ZCCHC2: variants seen among roughly 807,000 people sequenced by gnomAD.
The protein encoded by ZCCHC2 is zinc finger CCHC domain-containing protein 2.
A neutral mutation model predicts 103.6 loss-of-function variants in ZCCHC2; 39 were observed. That is an observed-to-expected ratio of 0.38 (90% CI 0.29 to 0.49). ZCCHC2 has a LOEUF of 0.49. Ranked by LOEUF, ZCCHC2 falls within the 20% of genes least tolerant of loss-of-function variation. The pLI is 0.96. For missense variants in ZCCHC2, 1,483 were observed against 1,491.0 expected (o/e 0.99, Z 0.09); for synonymous variants, 687 against 608.9 (o/e 1.13, Z -1.89).
intron 4 of ZCCHC2, among the ~76,000 whole-genome samples, chr18:62,545,473 A>G (rs1435505864): frequency 6.6e-6 from 1 of 152,104 alleles, no homozygotes. Context: ...TCTCCAAACT[A>G]CTGGGAATAA....
Position 62,523,678 on chromosome 18 carries a change from G to A in ZCCHC2, c.254G>A (p.Gly85Asp). 7.3e-7 allele frequency: 1 copy of A among 1,377,174 alleles called. No homozygotes were observed. Among genetic ancestry groups the A allele is most frequent in the Non-Finnish European group, 9.4e-7 (1 of 1,068,626 alleles). 85.3% of individuals were successfully genotyped at this position (1,377,174 alleles called of 1,614,324 possible). A position where few individuals can be genotyped will look rare whatever the true frequency, so the allele number is the denominator to read the frequency against. ...GCGGGGGCGGGTATGCCGGGCGGCGGCGGGGGGCCCTCGGCGGCGCTGCGC... is the reference window on the plus strand; with the variant it reads ...GCGGGGGCGGGTATGCCGGGCGGCGACGGGGGGCCCTCGGCGGCGCTGCGC... The part of the protein sequence containing the change: ...AAAGAGMPGG[G>D]GGPSAALREQ... Residue 85 changes from glycine to aspartate, a missense_variant, in exon 1 of 14, where the codon GGC becomes GAC. By Grantham distance (94) the Gly-to-Asp change is moderately conservative. This residue lies in a region of ZCCHC2 where 568 missense variants were observed against 525.1 expected (regional missense o/e 1.08). Transcript: ENST00000269499.
intron 3 of ZCCHC2, among the ~76,000 whole-genome samples, chr18:62,543,729 C>A (rs1291313849): frequency 6.6e-6 from 1 of 152,092 alleles, no homozygotes; most frequent in Non-Finnish European, 1.5e-5. Context: ...TGTACCATGC[C>A]CTATGCGTTT....
intron 8 of ZCCHC2, among the ~76,000 whole-genome samples, chr18:62,562,289 ACCGTGCCCAG>A (rs1356663157): frequency 1.3e-5 from 2 of 152,138 alleles, no homozygotes; most frequent in Non-Finnish European, 2.9e-5. Context: ...GGTGTGAGCC[ACCGTGCCCAG>A]CCGTCCCATG....
chr18:62,561,474 G>A (rs996104920), intron 8 of ZCCHC2, among the ~76,000 whole-genome samples: 1 of 152,184 alleles, frequency 6.6e-6, no homozygotes, highest in Non-Finnish European at 1.5e-5. Context: ...GACTTTCCAT[G>A]TTCCGCCTTA....
At chr18:62,528,828 G>A (rs1914554880) in intron 1 of ZCCHC2, among the ~76,000 whole-genome samples, 1 of 152,082 alleles carries the variant, frequency 6.6e-6, no homozygotes, top group Non-Finnish European at 1.5e-5. Context: ...GGAAAAGGTT[G>A]ATTGTCAGAA....
intron 11 of ZCCHC2, among the ~76,000 whole-genome samples, chr18:62,568,789 G>A (rs1026950737): frequency 1.3e-5 from 2 of 152,132 alleles, no homozygotes; most frequent in African/African-American, 2.4e-5. Flanking sequence ...TTATATGCTG[G>A]TTGAAATATT....
intron 4 of ZCCHC2, among the ~76,000 whole-genome samples, chr18:62,547,551 T>G (rs1001768175): frequency 2.0e-5 from 3 of 150,030 alleles, no homozygotes; most frequent in Non-Finnish European, 4.5e-5. Context: ...GTTTGTTTGT[T>G]TTTTTTTTTT....
chr18:62,530,014 G>C (rs1274067564), intron 1 of ZCCHC2, among the ~76,000 whole-genome samples: 1 of 152,174 alleles, frequency 6.6e-6, no homozygotes, highest in Non-Finnish European at 1.5e-5. Context: ...ATACAGGAGA[G>C]TGTACATAGG....
In ZCCHC2 at chr18:62,574,027, T is replaced by G. The variant is rs373409568; in HGVS notation, c.1976-30T>G. On this transcript the variant is annotated intron_variant, in intron 12 of 13. Coordinates refer to ENST00000269499, the MANE Select transcript of ZCCHC2 (RefSeq NM_017742.6). ...AAGAAAGATGGGAGTTATGCCCGTG[T>G]TAATATCTCTTTATGTTTGTTTTCT... 8.2e-6 allele frequency: 13 copies of G among 1,586,750 alleles called. 1 individual carries two copies. The Middle Eastern group carries it at 5.1e-4, about 62-fold the overall frequency.
At chr18:62,562,299 G>A (rs1916153373) in intron 8 of ZCCHC2, among the ~76,000 whole-genome samples, 1 of 152,086 alleles carries the variant, frequency 6.6e-6, no homozygotes, top group Non-Finnish European at 1.5e-5. Flanking sequence ...ACCGTGCCCA[G>A]CCGTCCCATG....
In ZCCHC2 at chr18:62,523,561, C is replaced by CGCA. The variant is rs1478408850; in HGVS notation, c.139_140insAGC (p.Pro46_Pro47insGln). ...CGCCGCGACTGCCGCCCCCCGCCGC[C>CGCA]GCCGCCGCCGCCCGCGGGCCCGTCG... On this transcript the variant is annotated inframe_insertion, in exon 1 of 14. Coordinates refer to ENST00000269499, the MANE Select transcript of ZCCHC2 (RefSeq NM_017742.6). The CGCA allele has an allele frequency of 3.1e-6, 3 of 957,820 alleles. No individual in the cohort carries two copies. The highest frequency in any genetic ancestry group is 3.7e-6 in the Non-Finnish European group (3 of 808,728). The allele number at this position is 957,820 out of a possible 1,614,324, so 59.3% of individuals were successfully genotyped here. A position where few individuals can be genotyped will look rare whatever the true frequency, so the allele number is the denominator to read the frequency against.
In ZCCHC2 at chr18:62,544,755, C is replaced by G. The variant is rs1251305470; in HGVS notation, c.1129-47C>G. 3 of 1,476,086 alleles carry G rather than the reference C, an allele frequency of 2.0e-6. No homozygotes were observed. In the East Asian group the frequency reaches 7.9e-5, roughly 39 times the overall value. The allele number at this position is 1,476,086 out of a possible 1,614,324, so 91.4% of individuals were successfully genotyped here. On this transcript the variant is annotated intron_variant, in intron 3 of 13. Transcript: ENST00000269499. ...GCACATGGCTTTTTTCTAGCCGGTT[C>G]CTGCCTAGGGAATAACCATATAATA...
At position 62,524,215 on chromosome 18, in the gene ZCCHC2, C is replaced by T. The variant is rs1439059648; in HGVS notation, c.791C>T (p.Thr264Ile). ...RAQEELLLLF[T>I]MASLHPAFSF... Reference sequence around the variant, plus strand: ...CAGGAGGAACTGCTGCTGCTCTTCACCATGGCCTCGCTGCACCCGGCTTTC... The same window carrying T: ...CAGGAGGAACTGCTGCTGCTCTTCATCATGGCCTCGCTGCACCCGGCTTTC... Residue 264 changes from threonine to isoleucine, a missense_variant, in exon 1 of 14, where the codon ACC (threonine) becomes ATC (isoleucine). Thr to Ile is a moderately conservative substitution (Grantham distance 89). Coordinates refer to ENST00000269499, the MANE Select transcript of ZCCHC2 (RefSeq NM_017742.6). 1 of 1,550,028 alleles carries T rather than the reference C, an allele frequency of 6.5e-7. No homozygotes were observed. Among genetic ancestry groups the T allele is most frequent in the South Asian group, 1.2e-5 (1 of 84,060 alleles).
In ZCCHC2 at chr18:62,538,523, G is replaced by A. The variant is rs565351538; in HGVS notation, c.940-1158G>A. 3.9e-5 allele frequency among the ~76,000 whole-genome samples: 6 copies of A among 152,214 alleles called. No homozygotes were observed. The East Asian group carries it at 9.6e-4, about 24-fold the overall frequency. On this transcript the variant is annotated intron_variant, in intron 1 of 13. Transcript: ENST00000269499. The stretch of plus-strand genomic sequence containing the variant: ...TATCTGCATTTTTAAAAAACCAGTC[G>A]CATTGAAAATTGGTAAAGGCTATCA...
chr18:62,548,258 A>G (rs1915501528), intron 4 of ZCCHC2, among the ~76,000 whole-genome samples: 1 of 152,076 alleles, frequency 6.6e-6, no homozygotes, highest in South Asian at 2.1e-4. Flanking sequence ...GTATATATAT[A>G]TATATTTTTT....
chr18:62,542,587 C>T lies in ZCCHC2; in HGVS notation c.1128+13C>T. The T allele has an allele frequency of 1.3e-6, 2 of 1,554,942 alleles. No homozygotes were observed. The highest frequency in any genetic ancestry group is 1.7e-6 in the Non-Finnish European group (2 of 1,147,878). On this transcript the variant is annotated intron_variant, in intron 3 of 13. Transcript: ENST00000269499. ...GTACACTTTCAAAGTAAGCCATTTTCCCCACAAAAGATACCTCACGTGCTG... is the reference window on the plus strand; with the variant it reads ...GTACACTTTCAAAGTAAGCCATTTTTCCCACAAAAGATACCTCACGTGCTG...
chr18:62,523,347 C>T lies in ZCCHC2; in HGVS notation c.-78C>T. ...GGGGCCCCGCTCCTGACGGCCGCGCCGCCGCCTCGGCCCGTGCTCCACCTC... is the reference window on the plus strand; with the variant it reads ...GGGGCCCCGCTCCTGACGGCCGCGCTGCCGCCTCGGCCCGTGCTCCACCTC... On this transcript the variant is annotated 5_prime_UTR_variant, in exon 1 of 14. Transcript: ENST00000269499. 3.0e-6 allele frequency: 3 copies of T among 990,800 alleles called. No individual in the cohort carries two copies. Among genetic ancestry groups the T allele is most frequent in the African/African-American group, 1.8e-5 (1 of 56,952 alleles). The allele number at this position is 990,800 out of a possible 1,614,324, so 61.4% of individuals were successfully genotyped here. A position where few individuals can be genotyped will look rare whatever the true frequency, so the allele number is the denominator to read the frequency against.
rs1017500222 is a variant in ZCCHC2 at position 62,546,658 on chromosome 18, G to C, written c.1200+1785G>C. 7.9e-5 allele frequency among the ~76,000 whole-genome samples: 12 copies of C among 152,338 alleles called. 1 individual carries two copies. The South Asian group carries it at 2.3e-3, about 29-fold the overall frequency. ...CCTGTCCCTCATGCTGAGAGAGCATGCAGCTGACCCCCAGCTGAGGCCTAG... is the reference window on the plus strand; with the variant it reads ...CCTGTCCCTCATGCTGAGAGAGCATCCAGCTGACCCCCAGCTGAGGCCTAG... On this transcript the variant is annotated intron_variant, in intron 4 of 13. Coordinates refer to ENST00000269499, the MANE Select transcript of ZCCHC2 (RefSeq NM_017742.6).
chr18:62,545,262 G>A (rs1204964487), intron 4 of ZCCHC2, among the ~76,000 whole-genome samples: 3 of 152,058 alleles, frequency 2.0e-5, no homozygotes, highest in African/African-American at 7.3e-5. Flanking sequence ...GTTTCCTGCA[G>A]AGATGTGCGT....
Sources: allele counts gnomAD v4.1 joint callset (sites outside exome capture counted in the v4.1 genomes callset), GRCh38; gene constraint gnomAD v4.1.1; regional missense constraint gnomAD v4.1.1; transcripts MANE v1.5; gene names NCBI Gene and HGNC (gene_info 2026-07-23, HGNC 2026-07-21).